The following CCDC192 variants were observed in gnomAD, a reference collection of about 807,000 sequenced individuals.
CCDC192 encodes the protein coiled-coil domain-containing protein 192.
At chr5:127,847,343 A>G (rs1418953319) in intron 5 of CCDC192, among the ~76,000 whole-genome samples, 2 of 152,196 alleles carry the variant, frequency 1.3e-5, no homozygotes, top group African/African-American at 4.8e-5. Context: ...CTTCCCTTGA[A>G]ATTCACATAG....
intron 2 of CCDC192, among the ~76,000 whole-genome samples, chr5:127,746,984 A>G (rs1897574): frequency 2.6e-5 from 4 of 152,104 alleles, no homozygotes; most frequent in Non-Finnish European, 5.9e-5. Flanking sequence ...AAATGCACAC[A>G]TGTAAAATCA....
chr5:127,910,195 A>C (rs1442902095), intron 6 of CCDC192, among the ~76,000 whole-genome samples: 1 of 152,192 alleles, frequency 6.6e-6, no homozygotes, highest in African/African-American at 2.4e-5. Flanking sequence ...ATTATCTGAA[A>C]ATAATATGTG....
At chr5:127,936,663 T>C (rs1030595008) in intron 6 of CCDC192, among the ~76,000 whole-genome samples, 3 of 152,250 alleles carry the variant, frequency 2.0e-5, no homozygotes, top group Non-Finnish European at 4.4e-5. Flanking sequence ...GTTTATACCC[T>C]CACTGTTGCT....
intron 2 of CCDC192, among the ~76,000 whole-genome samples, chr5:127,723,629 C>T (rs973579108): frequency 2.0e-5 from 3 of 152,088 alleles, no homozygotes; most frequent in Admixed American, 6.6e-5. Flanking sequence ...AGATATCATT[C>T]GAAGGGGTTA....
At chr5:127,932,186 T>C (rs1359086212) in intron 6 of CCDC192, among the ~76,000 whole-genome samples, 2 of 151,528 alleles carry the variant, frequency 1.3e-5, no homozygotes, top group Non-Finnish European at 2.9e-5. Context: ...CTCAGTGATA[T>C]TACATGCAAT....
chr5:127,727,548 A>G (rs535218342), intron 2 of CCDC192, among the ~76,000 whole-genome samples: 2 of 152,280 alleles, frequency 1.3e-5, no homozygotes, highest in Admixed American at 1.3e-4. Context: ...AAGTCCCCAC[A>G]AAAACCCCAT....
intron 5 of CCDC192, among the ~76,000 whole-genome samples, chr5:127,830,491 T>C (rs764176671): frequency 1.1e-4 from 16 of 152,202 alleles, no homozygotes; most frequent in Non-Finnish European, 2.1e-4. Flanking sequence ...CCTTATATGA[T>C]CTTCCCTGTG....
At chr5:127,921,920 T>C (rs1753733445) in intron 6 of CCDC192, among the ~76,000 whole-genome samples, 1 of 152,250 alleles carries the variant, frequency 6.6e-6, no homozygotes, top group African/African-American at 2.4e-5. Flanking sequence ...GACACTTCTG[T>C]CATTAAACAT....
chr5:127,767,879 A>G (rs1212127273), intron 3 of CCDC192, among the ~76,000 whole-genome samples: 1 of 152,158 alleles, frequency 6.6e-6, no homozygotes, highest in Non-Finnish European at 1.5e-5. Context: ...CAGCCCCGCA[A>G]TTAATTTGTT....
At chr5:127,890,471 G>A (rs1031621572) in intron 6 of CCDC192, among the ~76,000 whole-genome samples, 5 of 132,160 alleles carry the variant, frequency 3.8e-5, no homozygotes, top group Non-Finnish European at 6.6e-5. Context: ...AAAAAAAAAA[G>A]GCTTAGGAAT....
intron 1 of CCDC192, among the ~76,000 whole-genome samples, chr5:127,704,004 A>G (rs1750822768): frequency 6.6e-6 from 1 of 152,220 alleles, no homozygotes; most frequent in African/African-American, 2.4e-5. Context: ...TTTAATTACT[A>G]GAAATTTTGC....
intron 2 of CCDC192, among the ~76,000 whole-genome samples, chr5:127,750,440 A>T (rs1331814056): frequency 2.0e-5 from 3 of 151,988 alleles, no homozygotes; most frequent in African/African-American, 7.3e-5. Context: ...GAGATTCTTA[A>T]TCCTGAGTTC....
At chr5:127,778,419 C>T (rs1416963434) in intron 3 of CCDC192, among the ~76,000 whole-genome samples, 1 of 152,172 alleles carries the variant, frequency 6.6e-6, no homozygotes, top group Non-Finnish European at 1.5e-5. Context: ...TTGCCTCAAT[C>T]CATTTTTAGA....
chr5:127,898,732 T>A (rs541786546), intron 6 of CCDC192, among the ~76,000 whole-genome samples: 15 of 152,170 alleles, frequency 9.9e-5, no homozygotes, highest in African/African-American at 3.6e-4. Flanking sequence ...CCCTTCATGC[T>A]AAGCAGTGTC....
intron 2 of CCDC192, among the ~76,000 whole-genome samples, chr5:127,737,170 C>T (rs551962282): frequency 2.0e-5 from 3 of 151,832 alleles, no homozygotes; most frequent in East Asian, 1.9e-4. Context: ...TTCATTTCTG[C>T]CTTCATTTCA....
intron 2 of CCDC192, among the ~76,000 whole-genome samples, chr5:127,718,330 A>G (rs964143706): frequency 6.6e-6 from 1 of 152,194 alleles, no homozygotes; most frequent in Non-Finnish European, 1.5e-5. Context: ...AATTTCCCCA[A>G]GAGGCACCAG....
chr5:127,710,113 G>T (rs564765727), intron 2 of CCDC192, among the ~76,000 whole-genome samples: 10 of 152,122 alleles, frequency 6.6e-5, no homozygotes, highest in Non-Finnish European at 1.3e-4. Context: ...GAAGGAACTG[G>T]TTGTGCTTCG....
At chr5:127,851,375 G>C (rs1048919320) in intron 5 of CCDC192, among the ~76,000 whole-genome samples, 1 of 152,044 alleles carries the variant, frequency 6.6e-6, no homozygotes, top group African/African-American at 2.4e-5. Context: ...AGGAATCTTG[G>C]AATATCAACT....
intron 5 of CCDC192, among the ~76,000 whole-genome samples, chr5:127,873,324 A>G (rs1751936617): frequency 6.6e-6 from 1 of 152,260 alleles, no homozygotes; most frequent in Non-Finnish European, 1.5e-5. Context: ...TGTAAGGAAG[A>G]TAAATCTTCA....
Sources: allele counts gnomAD v4.1 joint callset (sites outside exome capture counted in the v4.1 genomes callset), GRCh38; gene constraint gnomAD v4.1.1; transcripts MANE v1.5; gene names NCBI Gene and HGNC (gene_info 2026-07-23, HGNC 2026-07-21).